SVOP: variants seen among roughly 807,000 people sequenced by gnomAD.
The protein encoded by SVOP is SV2 related protein.
In SVOP, 17 loss-of-function variants were observed where a neutral mutation model predicts 69.1. The observed-to-expected ratio is 0.25, with a 90% CI of 0.17 to 0.37. SVOP has a LOEUF of 0.37. Among genes scored for constraint, SVOP ranks in the 10% least tolerant of loss-of-function variants. The pLI is 1.00. For missense variants in SVOP, 435 were observed against 597.5 expected (o/e 0.73, Z 2.84); for synonymous variants, 238 against 238.6 (o/e 1.00, Z 0.02).
At chr12:108,970,423 C>T (rs1479237944) in intron 5 of SVOP, among the ~76,000 whole-genome samples, 4 of 152,194 alleles carry the variant, frequency 2.6e-5, no homozygotes, top group African/African-American at 9.6e-5. Context: ...AACGCATGAA[C>T]CATACTTTGC....
At chr12:108,934,792 G>A (rs969312550) in intron 10 of SVOP, among the ~76,000 whole-genome samples, 1 of 152,156 alleles carries the variant, frequency 6.6e-6, no homozygotes, top group African/African-American at 2.4e-5. Flanking sequence ...GCAACTTCAG[G>A]AAGTTACCCT....
In SVOP at chr12:108,908,794, C is replaced by T. The variant is rs1257839448; in HGVS notation, c.*3741G>A. On this transcript the variant is annotated 3_prime_UTR_variant, in exon 16 of 16. Transcript: ENST00000610966. ...CCATCCAACAGCCATTGCTATCCTT[C>T]TTCTGTGCTAACAGAATCCCAATTT... 2 of 152,350 alleles carry T rather than the reference C, an allele frequency of 1.3e-5. No individual in the cohort carries two copies. The highest frequency in any genetic ancestry group is 2.9e-5 in the Non-Finnish European group (2 of 68,044). 9.4% of individuals were successfully genotyped at this position (152,350 alleles called of 1,614,324 possible).
At chr12:109,001,689 A>G in intron 1 of SVOP, among the ~76,000 whole-genome samples, 1 of 143,952 alleles carries the variant, frequency 6.9e-6, no homozygotes, top group East Asian at 2.1e-4. Flanking sequence ...GACAAACCTG[A>G]GAAAAACAAG....
At position 108,914,682 on chromosome 12, in the gene SVOP, C is replaced by A. The variant is rs534383198; in HGVS notation, c.1440+1101G>T. Among the ~76,000 whole-genome samples, 110 of 151,828 alleles carry A rather than the reference C, an allele frequency of 7.2e-4. 1 individual carries two copies. The highest frequency in any genetic ancestry group is 3.7e-3 in the South Asian group (18 of 4,806). On this transcript the variant is annotated intron_variant, in intron 15 of 15. Transcript: ENST00000610966. ...CTCCTGGGTTCAAGCAATTTTTGTG[C>A]CTCAGCCAGAATTACAGGCACCTGC...
In SVOP at chr12:108,938,479, G is replaced by C. The variant is rs184924114; in HGVS notation, c.897+348C>G. 3.7e-4 allele frequency among the ~76,000 whole-genome samples: 56 copies of C among 152,298 alleles called. 2 individuals carry two copies. In the East Asian group the frequency reaches 9.3e-3, roughly 25 times the overall value. Reference sequence around the variant, plus strand: ...GATATGGTTTTATTGCACAGCTTTTGCCAATCAGTCTCATTCGCTAGTCAG... The same window carrying C: ...GATATGGTTTTATTGCACAGCTTTTCCCAATCAGTCTCATTCGCTAGTCAG... On this transcript the variant is annotated intron_variant, in intron 9 of 15. Coordinates refer to ENST00000610966, the MANE Select transcript of SVOP (RefSeq NM_018711.5).
intron 1 of SVOP, among the ~76,000 whole-genome samples, chr12:109,010,770 G>C (rs1434036380): frequency 2.6e-5 from 4 of 152,184 alleles, no homozygotes; most frequent in African/African-American, 9.7e-5. Context: ...CCAAAGTGCT[G>C]GGATTATAGA....
At chr12:108,990,374 T>C (rs944939690) in intron 1 of SVOP, among the ~76,000 whole-genome samples, 4 of 152,112 alleles carry the variant, frequency 2.6e-5, no homozygotes, top group African/African-American at 4.8e-5. Context: ...CAGTCTATCA[T>C]TGATGGACAT....
intron 9 of SVOP, among the ~76,000 whole-genome samples, chr12:108,938,044 C>T (rs1274083415): frequency 2.0e-5 from 3 of 152,226 alleles, no homozygotes; most frequent in South Asian, 2.1e-4. Flanking sequence ...ATCCATCCTG[C>T]TCTGCCCCTG....
chr12:108,953,445 C>G (rs1313002792), intron 6 of SVOP, among the ~76,000 whole-genome samples: 1 of 152,174 alleles, frequency 6.6e-6, no homozygotes, highest in Non-Finnish European at 1.5e-5. Flanking sequence ...CCACGCCCGG[C>G]CCTAATTGAC....
intron 14 of SVOP, among the ~76,000 whole-genome samples, chr12:108,917,094 C>T (rs2039718729): frequency 6.6e-6 from 1 of 152,208 alleles, no homozygotes; most frequent in South Asian, 2.1e-4. Flanking sequence ...AAACCCTCCA[C>T]TCTGGGGGTT....
At chr12:108,916,671 C>T (rs950408635) in intron 14 of SVOP, among the ~76,000 whole-genome samples, 9 of 152,330 alleles carry the variant, frequency 5.9e-5, no homozygotes, top group African/African-American at 2.2e-4. Flanking sequence ...CCTGGGTTCC[C>T]AAATCACTGG....
At chr12:108,991,434 G>A (rs1459608266) in intron 1 of SVOP, among the ~76,000 whole-genome samples, 3 of 145,330 alleles carry the variant, frequency 2.1e-5, no homozygotes, top group East Asian at 2.1e-4. Flanking sequence ...ACCCCATCTC[G>A]GGTTTTGCTT....
intron 5 of SVOP, among the ~76,000 whole-genome samples, chr12:108,963,916 T>G (rs2040031097): frequency 6.6e-6 from 1 of 152,244 alleles, no homozygotes; most frequent in Non-Finnish European, 1.5e-5. Flanking sequence ...TTGCATTTAT[T>G]TTTGCAGTCA....
chr12:108,922,614 G>T, intron 12 of SVOP, 76 bp downstream of exon 12: 1 of 1,119,392 alleles, frequency 8.9e-7, no homozygotes, highest in Non-Finnish European at 1.3e-6. Flanking sequence ...AGGTAGGGTA[G>T]ACAGAGCCAC....
At chr12:108,957,066 G>C (rs2039989318) in intron 6 of SVOP, among the ~76,000 whole-genome samples, 1 of 152,120 alleles carries the variant, frequency 6.6e-6, no homozygotes, top group Admixed American at 6.5e-5. Flanking sequence ...CAGATCAGGG[G>C]ATTTGTACTT....
In SVOP at chr12:108,952,230, C is replaced by CTTTT. The variant is rs36191772; in HGVS notation, c.579-7068_579-7065dup. On this transcript the variant is annotated intron_variant, in intron 6 of 15. Transcript: ENST00000610966. The stretch of plus-strand genomic sequence containing the variant: ...TACATTCCACTTTTTTTTCTTTTCT[C>CTTTT]TTTTTTTTTTTTTTTTTTTTTTGAG... Among the ~76,000 whole-genome samples, 170 of 98,384 alleles carry CTTTT rather than the reference C, an allele frequency of 1.7e-3. 1 individual carries two copies. The highest frequency in any genetic ancestry group is 2.6e-3 in the South Asian group (6 of 2,332). The allele number at this position is 98,384 out of a possible 152,430, so 64.5% of individuals were successfully genotyped here.
At position 108,919,799 on chromosome 12, in the gene SVOP, T is replaced by C; in HGVS notation, c.1157-13A>G. On this transcript the variant is annotated splice_polypyrimidine_tract_variant and intron_variant, in intron 12 of 15. Coordinates refer to ENST00000610966, the MANE Select transcript of SVOP (RefSeq NM_018711.5). ...GTCACAAGGACACCTGGAAGGGGAG[T>C]GGGGAGAGATAGGCAGCTTCCGATG... 1 of 1,561,026 alleles carries C rather than the reference T, an allele frequency of 6.4e-7. No homozygotes were observed. The highest frequency in any genetic ancestry group is 8.7e-7 in the Non-Finnish European group (1 of 1,147,622).
At chr12:108,986,049 A>G (rs1457747771) in intron 1 of SVOP, among the ~76,000 whole-genome samples, 1 of 152,200 alleles carries the variant, frequency 6.6e-6, no homozygotes, top group African/African-American at 2.4e-5. Context: ...AGGGAAATGC[A>G]GGGCCCAGCA....
At position 109,021,013 on chromosome 12, in the gene SVOP, G is replaced by A. The variant is rs571367901; in HGVS notation, c.-145C>T. On this transcript the variant is annotated 5_prime_UTR_variant, in exon 1 of 16. Transcript: ENST00000610966. The stretch of plus-strand genomic sequence containing the variant: ...GCAGCAGCTGTTCGGGGAGGGAGCC[G>A]CTGGGGACCAGCCCACGAGACAAAG... 3.5e-6 allele frequency: 2 copies of A among 574,578 alleles called. No homozygotes were observed. Among genetic ancestry groups the A allele is most frequent in the Non-Finnish European group, 3.1e-6 (1 of 318,370 alleles). 35.6% of individuals were successfully genotyped at this position (574,578 alleles called of 1,614,324 possible).
Sources: gnomAD v4.1 joint callset for allele counts (sites outside exome capture counted in the v4.1 genomes callset) on GRCh38, gnomAD v4.1.1 for gene constraint, MANE v1.5 for transcripts, NCBI Gene and HGNC (gene_info 2026-07-23, HGNC 2026-07-21) for gene names.